Variants in ANKRD6 observed in about 807,000 individuals in gnomAD.
The protein encoded by ANKRD6 is ankyrin repeat domain-containing protein 6.
In ANKRD6, 56 loss-of-function variants were observed where a neutral mutation model predicts 82.3. The observed-to-expected ratio is 0.68, with a 90% CI of 0.55 to 0.85. The LOEUF is 0.85. ANKRD6 is among the 40% of genes least tolerant of loss of function. The pLI is 0.00. For missense variants in ANKRD6, 852 were observed against 907.6 expected (o/e 0.94, Z 0.79); for synonymous variants, 347 against 352.1 (o/e 0.99, Z 0.16).
At chr6:89,565,859 C>T (rs1788404043) in intron 1 of ANKRD6, among the ~76,000 whole-genome samples, 1 of 152,240 alleles carries the variant, frequency 6.6e-6, no homozygotes, top group Non-Finnish European at 1.5e-5. Context: ...GAAGCCCTCA[C>T]TTCCTTGCTG....
intron 1 of ANKRD6, among the ~76,000 whole-genome samples, chr6:89,506,005 A>T (rs1478561444): frequency 6.6e-6 from 1 of 152,244 alleles, no homozygotes; most frequent in African/African-American, 2.4e-5. Context: ...AATCTTAAAA[A>T]GTCAAACTCA....
chr6:89,525,620 T>C (rs1476919782), intron 1 of ANKRD6, among the ~76,000 whole-genome samples: 2 of 152,196 alleles, frequency 1.3e-5, no homozygotes, highest in Non-Finnish European at 2.9e-5. Context: ...AGGTTGGGTT[T>C]TATGCCTCAC....
chr6:89,446,258 AG>A (rs1772072511), intron 1 of ANKRD6, among the ~76,000 whole-genome samples: 1 of 152,198 alleles, frequency 6.6e-6, no homozygotes, highest in South Asian at 2.1e-4. Context: ...AGGCTGAGGC[AG>A]GAGAATCCCT....
At chr6:89,450,564 G>C (rs1772683231) in intron 1 of ANKRD6, among the ~76,000 whole-genome samples, 1 of 152,098 alleles carries the variant, frequency 6.6e-6, no homozygotes, top group Admixed American at 6.5e-5. Flanking sequence ...TGTTGCCCAG[G>C]CTGGAGGCAG....
intron 1 of ANKRD6, among the ~76,000 whole-genome samples, chr6:89,513,954 G>A (rs1780888932): frequency 6.6e-6 from 1 of 152,230 alleles, no homozygotes; most frequent in Admixed American, 6.5e-5. Flanking sequence ...AGAATTATCA[G>A]ACTGTCACAT....
chr6:89,610,957 C>T (rs908926998), intron 5 of ANKRD6, among the ~76,000 whole-genome samples: 15 of 152,026 alleles, frequency 9.9e-5, no homozygotes, highest in Admixed American at 2.0e-4. Context: ...GTCCCTAGAA[C>T]GGTTGTGGCT....
intron 2 of ANKRD6, among the ~76,000 whole-genome samples, chr6:89,580,322 C>A (rs1490538868): frequency 2.0e-5 from 3 of 151,702 alleles, no homozygotes; most frequent in African/African-American, 7.3e-5. Flanking sequence ...GGGGCTTTTG[C>A]ATCATGTTGT....
intron 3 of ANKRD6, chr6:89,602,808 C>G (rs1797541245): frequency 1.9e-6 from 1 of 532,618 alleles, no homozygotes. Flanking sequence ...GGCTTAAGGT[C>G]CCCCTCTTAG....
chr6:89,588,877 C>T (rs909875663), intron 2 of ANKRD6, among the ~76,000 whole-genome samples: 4 of 151,470 alleles, frequency 2.6e-5, no homozygotes, highest in African/African-American at 9.7e-5. Context: ...TGGTGGTGCA[C>T]GCCTGTAGTC....
chr6:89,546,420 CG>C (rs1023584090), intron 1 of ANKRD6, among the ~76,000 whole-genome samples: 12 of 151,804 alleles, frequency 7.9e-5, no homozygotes, highest in African/African-American at 2.7e-4. Flanking sequence ...GTGTGGTGGG[CG>C]GGGGGACAGA....
chr6:89,496,917 A>G lies in ANKRD6; in HGVS notation c.-144+63542A>G, dbSNP rs1262989359. On this transcript the variant is annotated intron_variant, in intron 1 of 15. Transcript: ENST00000339746. ...ACTCACCTTTATTGTTTAATAGAGC[A>G]TCTGAGAATATTGATGAAAAATTAT... Among the ~76,000 whole-genome samples, 4 of 152,240 alleles carry G rather than the reference A, an allele frequency of 2.6e-5. No individual in the cohort carries two copies. In the East Asian group the frequency reaches 7.7e-4, roughly 29 times the overall value.
chr6:89,524,917 C>T (rs1157249437), intron 1 of ANKRD6, among the ~76,000 whole-genome samples: 1 of 151,620 alleles, frequency 6.6e-6, no homozygotes, highest in Non-Finnish European at 1.5e-5. Flanking sequence ...AAATTATGGC[C>T]ATTCTTGCAG....
At chr6:89,584,940 T>G (rs1037728927) in intron 2 of ANKRD6, among the ~76,000 whole-genome samples, 10 of 152,068 alleles carry the variant, frequency 6.6e-5, no homozygotes, top group Non-Finnish European at 1.3e-4. Context: ...TCTCTTCCTC[T>G]TATAGGGGCA....
intron 8 of ANKRD6, 88 bp from the exon 9 acceptor site, chr6:89,617,866 C>T: frequency 7.6e-7 from 1 of 1,309,036 alleles, no homozygotes; most frequent in Non-Finnish European, 1.1e-6. Flanking sequence ...GTGGAACTGC[C>T]TGCTCCTGGC....
chr6:89,563,894 CT>C (rs1333666842), intron 1 of ANKRD6, among the ~76,000 whole-genome samples: 2 of 152,124 alleles, frequency 1.3e-5, no homozygotes, highest in Non-Finnish European at 2.9e-5. Context: ...GGTGGTGTCT[CT>C]GCTTGGCCTG....
intron 1 of ANKRD6, among the ~76,000 whole-genome samples, chr6:89,507,675 T>C (rs1780036705): frequency 6.6e-6 from 1 of 152,214 alleles, no homozygotes; most frequent in African/African-American, 2.4e-5. Flanking sequence ...TCCTGAGAAG[T>C]GCCCTTGCTG....
chr6:89,553,661 G>A (rs534649814), intron 1 of ANKRD6, among the ~76,000 whole-genome samples: 1 of 152,180 alleles, frequency 6.6e-6, no homozygotes, highest in South Asian at 2.1e-4. Context: ...GTTTCCTGTG[G>A]GAGATTACTG....
chr6:89,596,946 C>T (rs1429586850), intron 3 of ANKRD6, among the ~76,000 whole-genome samples: 6 of 152,198 alleles, frequency 3.9e-5, no homozygotes. Flanking sequence ...ATAACCTCTT[C>T]CAAATTCACC....
rs781779317 is a variant in ANKRD6, at chr6:89,630,671, C to T, written c.1851C>T (p.Gly617=). 3.7e-5 allele frequency: 59 copies of T among 1,613,862 alleles called. No homozygotes were observed. Among genetic ancestry groups the T allele is most frequent in the Non-Finnish European group, 4.9e-5 (58 of 1,179,872 alleles). ...DQQAGPCVNR[G]TQTKKSGKSG... is the part of the protein sequence containing the mutation. ...AGGCTGGGCCCTGCGTCAACAGAGGCACTCAAACTAAGAAGTCTGGGAAGA... is the reference window on the plus strand; with the variant it reads ...AGGCTGGGCCCTGCGTCAACAGAGGTACTCAAACTAAGAAGTCTGGGAAGA... The change falls in exon 16 of 16, where the codon GGC becomes GGT. Residue 617 remains glycine, a synonymous_variant. Transcript: ENST00000339746.
Sources: allele counts gnomAD v4.1 joint callset (sites outside exome capture counted in the v4.1 genomes callset), GRCh38; gene constraint gnomAD v4.1.1; transcripts MANE v1.5; gene names NCBI Gene and HGNC (gene_info 2026-07-23, HGNC 2026-07-21).